ZMAT3: variants seen among roughly 807,000 people sequenced by gnomAD.
The protein encoded by ZMAT3 is zinc finger matrin-type 3.
In ZMAT3, 17 loss-of-function variants were observed where a neutral mutation model predicts 32.3. The ratio of observed to expected loss-of-function variants is 0.53; its 90% confidence interval spans 0.36 to 0.79. The LOEUF is 0.79. Ranked by LOEUF, ZMAT3 falls within the 30% of genes least tolerant of loss-of-function variation. The pLI is 0.00. For missense variants in ZMAT3, 329 were observed against 359.7 expected, an observed-to-expected ratio of 0.91 and a Z score of 0.69; for synonymous variants, 120 against 133.1, an observed-to-expected ratio of 0.90 and a Z score of 0.68.
intron 2 of ZMAT3, among the ~76,000 whole-genome samples, chr3:179,032,569 C>G (rs980356134): frequency 6.6e-6 from 1 of 151,838 alleles, no homozygotes; most frequent in Non-Finnish European, 1.5e-5. Flanking sequence ...GCGTCTCTGC[C>G]CGGCCACCCA....
intron 2 of ZMAT3, among the ~76,000 whole-genome samples, chr3:179,032,381 G>C (rs1179914153): frequency 6.6e-6 from 1 of 152,062 alleles, no homozygotes; most frequent in East Asian, 2.0e-4. Context: ...GCCTGCCTTG[G>C]TCTCCCAAAG....
intron 2 of ZMAT3, among the ~76,000 whole-genome samples, chr3:179,047,481 C>A (rs1293785522): frequency 6.6e-6 from 1 of 152,202 alleles, no homozygotes; most frequent in Non-Finnish European, 1.5e-5. Context: ...CCTTAGCTCA[C>A]CAGCAGTGGA....
rs1400996019 is a variant in ZMAT3 at position 179,019,120 on chromosome 3, G to C, written c.*5897C>G. 6.6e-6 allele frequency: 1 copy of C among 152,044 alleles called. No homozygotes were observed. The highest frequency in any genetic ancestry group is 1.5e-5 in the Non-Finnish European group (1 of 67,982). The allele number at this position is 152,044 out of a possible 1,614,324, so 9.4% of individuals were successfully genotyped here. On this transcript the variant is annotated 3_prime_UTR_variant, in exon 6 of 6. Transcript: ENST00000311417. Reference sequence around the variant, plus strand: ...ATAGTTTGGCAAAAATACATTATCAGAAGTGGGGAAAAGAAAAATTATATT... The same window carrying C: ...ATAGTTTGGCAAAAATACATTATCACAAGTGGGGAAAAGAAAAATTATATT...
chr3:179,059,538 C>T (rs1721042172), intron 2 of ZMAT3, among the ~76,000 whole-genome samples: 1 of 152,140 alleles, frequency 6.6e-6, no homozygotes, highest in Non-Finnish European at 1.5e-5. Context: ...CATTTCAATC[C>T]CTGTATCTTT....
In ZMAT3 at chr3:179,017,748, C is replaced by A. The variant is rs1560077940; in HGVS notation, c.*7269G>T. On this transcript the variant is annotated 3_prime_UTR_variant, in exon 6 of 6. Coordinates refer to ENST00000311417, the MANE Select transcript of ZMAT3 (RefSeq NM_022470.4). ...TTACATTTTATTCTCTAATTTAAAA[C>A]AATAACTGCATTAAAATGCAACCTT... is the stretch of plus-strand genomic sequence containing the variant. The A allele has an allele frequency of 6.6e-6, 1 of 152,150 alleles. No individual in the cohort carries two copies. The highest frequency in any genetic ancestry group is 2.4e-5 in the African/African-American group (1 of 41,430). 9.4% of individuals were successfully genotyped at this position (152,150 alleles called of 1,614,324 possible).
chr3:179,020,224 G>A lies in ZMAT3; in HGVS notation c.*4793C>T, dbSNP rs1348962147. On this transcript the variant is annotated 3_prime_UTR_variant, in exon 6 of 6. Transcript: ENST00000311417. ...AAGGCACTCAGATTCTGGGCTTAAC[G>A]GAGACAAGGTCACATGGGACCATAA... is the stretch of plus-strand genomic sequence containing the variant. 6.6e-6 allele frequency: 1 copy of A among 152,116 alleles called. No homozygotes were observed. The highest frequency in any genetic ancestry group is 2.4e-5 in the African/African-American group (1 of 41,420). The allele number at this position is 152,116 out of a possible 1,614,324, so 9.4% of individuals were successfully genotyped here. A position where few individuals can be genotyped will look rare whatever the true frequency, so the allele number is the denominator to read the frequency against.
chr3:179,033,220 TC>T (rs1246304469), intron 2 of ZMAT3, among the ~76,000 whole-genome samples: 1 of 152,216 alleles, frequency 6.6e-6, no homozygotes. Flanking sequence ...ATGTGCTGTG[TC>T]CACTAAGGGT....
At position 179,021,980 on chromosome 3, in the gene ZMAT3, A is replaced by G. The variant is rs993586953; in HGVS notation, c.*3037T>C. On this transcript the variant is annotated 3_prime_UTR_variant, in exon 6 of 6. Coordinates refer to ENST00000311417, the MANE Select transcript of ZMAT3 (RefSeq NM_022470.4). ...AAGTGATCATGGAAGTTATTTATCA[A>G]CTTCCCAGAGTTTGGAATTTAAGGA... 6.6e-6 allele frequency: 1 copy of G among 152,234 alleles called. No homozygotes were observed. Among genetic ancestry groups the G allele is most frequent in the Non-Finnish European group, 1.5e-5 (1 of 68,030 alleles). 9.4% of individuals were successfully genotyped at this position (152,234 alleles called of 1,614,324 possible). A position where few individuals can be genotyped will look rare whatever the true frequency, so the allele number is the denominator to read the frequency against.
intron 3 of ZMAT3, among the ~76,000 whole-genome samples, chr3:179,028,986 C>G (rs543447744): frequency 1.3e-5 from 2 of 151,896 alleles, no homozygotes; most frequent in Admixed American, 1.3e-4. Flanking sequence ...ATGACAAAAC[C>G]CTGTCTCTAC....
chr3:179,028,588 C>G (rs1431048838), intron 3 of ZMAT3, among the ~76,000 whole-genome samples: 1 of 152,158 alleles, frequency 6.6e-6, no homozygotes, highest in African/African-American at 2.4e-5. Context: ...GCTGCCTGCC[C>G]GGGAGGGTGG....
At chr3:179,053,380 T>TA (rs1191196161) in intron 2 of ZMAT3, among the ~76,000 whole-genome samples, 2 of 152,006 alleles carry the variant, frequency 1.3e-5, no homozygotes, top group Non-Finnish European at 2.9e-5. Context: ...GGAAAGCTCT[T>TA]TCTTAAAGTA....
intron 2 of ZMAT3, among the ~76,000 whole-genome samples, chr3:179,045,446 T>C (rs767652867): frequency 6.6e-6 from 1 of 152,148 alleles, no homozygotes; most frequent in Non-Finnish European, 1.5e-5. Context: ...CACTACACAG[T>C]AGTGAAAGTA....
chr3:179,021,728 AAC>A lies in ZMAT3; in HGVS notation c.*3287_*3288del, dbSNP rs1276880407. ...CACATATCACTGACTCAGAAGAAAC[AAC>A]AGTCTGCTTAAACAGAGAAAAAACA... On this transcript the variant is annotated 3_prime_UTR_variant, in exon 6 of 6. Transcript: ENST00000311417. 1 of 152,330 alleles carries A rather than the reference AAC, an allele frequency of 6.6e-6. No individual in the cohort carries two copies. The highest frequency in any genetic ancestry group is 2.4e-5 in the African/African-American group (1 of 41,574). 9.4% of individuals were successfully genotyped at this position (152,330 alleles called of 1,614,324 possible). A position where few individuals can be genotyped will look rare whatever the true frequency, so the allele number is the denominator to read the frequency against.
Position 179,030,883 on chromosome 3 carries a change from C to G in ZMAT3, c.387G>C (p.Pro129=), listed in dbSNP as rs138510384. 1 of 1,612,420 alleles carries G rather than the reference C, an allele frequency of 6.2e-7. No individual in the cohort carries two copies. The highest frequency in any genetic ancestry group is 1.7e-5 in the Admixed American group (1 of 59,830). ...CACCCTGACACACATGTCTCACCTG[C>G]GGAGGGACTGGAACAACTGGAGTAG... is the stretch of plus-strand genomic sequence containing the variant. ...PAATPVVPVP[P]QMGSFKPGGR... Residue 129 remains proline, a synonymous_variant, in exon 3 of 6, where the codon CCG becomes CCC. Transcript: ENST00000311417.
intron 2 of ZMAT3, among the ~76,000 whole-genome samples, chr3:179,060,352 C>A: frequency 6.7e-6 from 1 of 150,116 alleles, no homozygotes; most frequent in Non-Finnish European, 1.5e-5. Context: ...GAAGGAAAGA[C>A]AAAAAAATCT....
intron 2 of ZMAT3, among the ~76,000 whole-genome samples, chr3:179,042,903 A>G (rs1720030099): frequency 6.6e-6 from 1 of 152,204 alleles, no homozygotes; most frequent in Non-Finnish European, 1.5e-5. Context: ...ATGTGCAAAA[A>G]TCACAAGCAC....
chr3:179,051,883 G>C (rs149085228), intron 2 of ZMAT3, among the ~76,000 whole-genome samples: 4 of 151,960 alleles, frequency 2.6e-5, no homozygotes, highest in African/African-American at 9.7e-5. Context: ...AAATACTTAC[G>C]GTCAACTGAT....
rs544611423 is a variant in ZMAT3 at position 179,058,908 on chromosome 3, TAGG to T, written c.270+8572_270+8574del. ...ATAGCCCTCACTTGGGCACTAGAAT[TAGG>T]AGAAGGAAAAAGGGTAAATATATAT... On this transcript the variant is annotated intron_variant, in intron 2 of 5. Transcript: ENST00000311417. Among the ~76,000 whole-genome samples, 524 of 152,250 alleles carry T rather than the reference TAGG, an allele frequency of 3.4e-3. 3 individuals carry two copies. Among genetic ancestry groups the T allele is most frequent in the African/African-American group, 0.012 (497 of 41,558 alleles).
intron 2 of ZMAT3, among the ~76,000 whole-genome samples, chr3:179,043,654 T>C (rs1178210725): frequency 6.6e-6 from 1 of 152,126 alleles, no homozygotes; most frequent in Non-Finnish European, 1.5e-5. Flanking sequence ...ATTCAGCACA[T>C]AGGCATGGGC....
Sources: gnomAD v4.1 joint callset for allele counts (sites outside exome capture counted in the v4.1 genomes callset) on GRCh38, gnomAD v4.1.1 for gene constraint, MANE v1.5 for transcripts, NCBI Gene and HGNC (gene_info 2026-07-23, HGNC 2026-07-21) for gene names.